The following USP9Y variants were observed in gnomAD, a reference collection of about 807,000 sequenced individuals.
USP9Y encodes ubiquitin specific peptidase 9 Y-linked.
USP9Y carries 41 observed loss-of-function variants against 53.1 expected under a neutral mutation model. The observed-to-expected ratio is 0.77, with a 90% CI of 0.60 to 1.00. USP9Y has a LOEUF of 1.00. Ranked by LOEUF, USP9Y falls within the 50% of genes least tolerant of loss-of-function variation. The pLI, the probability that USP9Y is intolerant of heterozygous loss-of-function variation, is 0.00. For missense variants in USP9Y, 567 were observed against 535.8 expected (o/e 1.06, Z -0.58); for synonymous variants, 220 against 173.7 (o/e 1.27, Z -2.09).
At chrY:12,829,459 T>A in intron 33 of USP9Y, among the ~76,000 whole-genome samples, 1 of 34,117 alleles carries the variant, frequency 2.9e-5, no homozygotes, top group South Asian at 6.5e-4. Context: ...AAAGTGAACC[T>A]CAACCTGTGC....
rs35050879 is a variant in USP9Y, at chrY:12,812,682, C to T, written c.4387-148C>T. The T allele has an allele frequency of 5.5e-5, 8 of 145,051 alleles. No homozygotes were observed. In the African/African-American group the frequency reaches 6.2e-4, roughly 11 times the overall value. 36.2% of individuals were successfully genotyped at this position (145,051 alleles called of 400,897 possible). ...ACTGATTACATTTATTAATTGTACT[C>T]GGGTTTTTTTGTGGGGTTTTGTTTT... On this transcript the variant is annotated intron_variant, in intron 30 of 45. Transcript: ENST00000338981.
In USP9Y at chrY:12,837,989, G is replaced by T. The variant is rs376361721; in HGVS notation, c.5274G>T (p.Gln1758His). The change falls in exon 35 of 46, where the codon CAG becomes CAT. Residue 1758 changes from glutamine to histidine, a missense_variant. Transcript: ENST00000338981. ...AAAATCTTCTTGACTCTTTGGAACA[G>T]TATATCAAAGGAGATTTATTGGAAG... ...NHQNLLDSLE[Q>H]YIKGDLLEGA... 2.7e-6 allele frequency: 1 copy of T among 370,990 alleles called. No homozygotes were observed. Among genetic ancestry groups the T allele is most frequent in the Non-Finnish European group, 3.9e-6 (1 of 259,012 alleles). The allele number at this position is 370,990 out of a possible 400,897, so 92.5% of individuals were successfully genotyped here. A position where few individuals can be genotyped will look rare whatever the true frequency, so the allele number is the denominator to read the frequency against.
At chrY:12,724,441 G>A (rs1056840985) in intron 5 of USP9Y, among the ~76,000 whole-genome samples, 1 of 33,012 alleles carries the variant, frequency 3.0e-5, no homozygotes, top group Non-Finnish European at 7.4e-5. Flanking sequence ...AAGTAGCCAG[G>A]CATGGTGGTG....
At chrY:12,824,534 TA>T (rs2053544515) in intron 33 of USP9Y, among the ~76,000 whole-genome samples, 1 of 31,145 alleles carries the variant, frequency 3.2e-5, no homozygotes, top group South Asian at 7.1e-4. Flanking sequence ...TCAACTTTTT[TA>T]AAAAAAAAAT....
At chrY:12,814,389 G>A (rs2053534315) in intron 31 of USP9Y, among the ~76,000 whole-genome samples, 1 of 26,052 alleles carries the variant, frequency 3.8e-5, no homozygotes, top group South Asian at 9.8e-4. Flanking sequence ...TTAGCCGGGC[G>A]TAGTGGCGGG....
At position 12,840,380 on chromosome Y, in the gene USP9Y, A is replaced by C. The variant is rs1569392814; in HGVS notation, c.5854A>C (p.Ile1952Leu). 2.5e-6 allele frequency: 1 copy of C among 398,676 alleles called. No individual in the cohort carries two copies. Among genetic ancestry groups the C allele is most frequent in the African/African-American group, 6.1e-5 (1 of 16,278 alleles). ...RRQKRWWNAY[I>L]LFYEQMDMID... is the part of the protein sequence containing the mutation. Reference sequence around the variant, plus strand: ...ACAGAAGAGGTGGTGGAATGCTTACATACTTTTTTATGAACAAATGGATAT... The same window carrying C: ...ACAGAAGAGGTGGTGGAATGCTTACCTACTTTTTTATGAACAAATGGATAT... The change falls in exon 36 of 46, where the codon ATA becomes CTA. Residue 1952 changes from isoleucine (I) to leucine (L), a missense_variant. Physicochemically the swap from Ile to Leu is conservative, Grantham distance 5. Coordinates refer to ENST00000338981, the MANE Select transcript of USP9Y (RefSeq NM_004654.4).
chrY:12,846,635 A>G, intron 40 of USP9Y, 117 bp downstream of exon 40: 1 of 197,475 alleles, frequency 5.1e-6, no homozygotes, highest in Non-Finnish European at 8.4e-6. Flanking sequence ...CTGAAGGCCT[A>G]TGTTCTAGAA....
chrY:12,722,868 ATTTT>A (rs2053437187), intron 5 of USP9Y, among the ~76,000 whole-genome samples: 1 of 32,108 alleles, frequency 3.1e-5, no homozygotes, highest in African/African-American at 1.2e-4. Flanking sequence ...ATTTTTATTT[ATTTT>A]ATTTTATTTT....
chrY:12,754,748 A>C (rs2053466797), intron 12 of USP9Y, among the ~76,000 whole-genome samples: 1 of 33,153 alleles, frequency 3.0e-5, no homozygotes, highest in African/African-American at 1.2e-4. Context: ...TTTCTTTTGT[A>C]GGAACTTTGA....
intron 33 of USP9Y, among the ~76,000 whole-genome samples, chrY:12,823,312 A>G: frequency 3.0e-5 from 1 of 33,208 alleles, no homozygotes; most frequent in African/African-American, 1.2e-4. Context: ...TAGGATTTCA[A>G]TTTGGATGCT....
intron 3 of USP9Y, among the ~76,000 whole-genome samples, chrY:12,711,118 A>G (rs2053424508): frequency 9.3e-5 from 3 of 32,334 alleles, no homozygotes; most frequent in African/African-American, 3.6e-4. Context: ...GTGTCTGCTC[A>G]TGTGGCAGGA....
intron 7 of USP9Y, among the ~76,000 whole-genome samples, chrY:12,727,189 A>G: frequency 2.9e-5 from 1 of 34,119 alleles, no homozygotes; most frequent in African/African-American, 1.1e-4. Flanking sequence ...GAATGCTTAC[A>G]TATATTTACA....
At chrY:12,781,128 G>A (rs2053498135) in intron 22 of USP9Y, among the ~76,000 whole-genome samples, 3 of 32,777 alleles carry the variant, frequency 9.2e-5, no homozygotes, top group Non-Finnish European at 2.2e-4. Flanking sequence ...CCACAATAAA[G>A]TGTACCTCTC....
chrY:12,820,989 C>T (rs2053541216), intron 33 of USP9Y, among the ~76,000 whole-genome samples: 1 of 33,742 alleles, frequency 3.0e-5, no homozygotes, highest in African/African-American at 1.1e-4. Context: ...ACTGTAGACA[C>T]ATATGTTCCT....
At chrY:12,713,235 A>T in intron 3 of USP9Y, among the ~76,000 whole-genome samples, 1 of 20,077 alleles carries the variant, frequency 5.0e-5, no homozygotes, top group African/African-American at 2.0e-4. Context: ...GGCTCTCACT[A>T]TGTTTCCCAG....
intron 45 of USP9Y, 119 bp downstream of exon 45, chrY:12,857,780 T>C: frequency 5.7e-6 from 1 of 174,126 alleles, no homozygotes; most frequent in Non-Finnish European, 1.0e-5. Flanking sequence ...ACCTGGCTGA[T>C]ATTTAAAACT....
rs1368441409 is a variant in USP9Y at position 12,856,447 on chromosome Y, G to A, written c.7172G>A (p.Cys2391Tyr). Residue 2391 changes from cysteine to tyrosine, a missense_variant, in exon 43 of 46, where the codon TGT (cysteine) becomes TAT (tyrosine). Transcript: ENST00000338981. ...YQKRAYQCIKCMVALFSSCPV... is the reference protein window; with the variant it reads ...YQKRAYQCIKYMVALFSSCPV... ...AAACGAGCATATCAGTGCATAAAAT[G>A]TATGGTAGCTCTATTTAGCAGTTGT... The A allele has an allele frequency of 2.5e-6, 1 of 398,348 alleles. No homozygotes were observed. Among genetic ancestry groups the A allele is most frequent in the South Asian group, 3.0e-5 (1 of 33,770 alleles).
chrY:12,831,416 T>G, intron 33 of USP9Y, among the ~76,000 whole-genome samples: 1 of 32,878 alleles, frequency 3.0e-5, no homozygotes, highest in African/African-American at 1.2e-4. Context: ...AGGGTGGGAT[T>G]GTAAAATGGT....
At chrY:12,788,006 G>A (rs992317491) in intron 24 of USP9Y, among the ~76,000 whole-genome samples, 1 of 33,666 alleles carries the variant, frequency 3.0e-5, no homozygotes, top group Non-Finnish European at 7.4e-5. Flanking sequence ...TTTAATGTAC[G>A]ACTGTCTACA....
Sources: gnomAD v4.1 joint callset for allele counts (sites outside exome capture counted in the v4.1 genomes callset) on GRCh38, gnomAD v4.1.1 for gene constraint, MANE v1.5 for transcripts, NCBI Gene and HGNC (gene_info 2026-07-23, HGNC 2026-07-21) for gene names.